Variants in WDPCP observed in about 807,000 individuals in gnomAD.
WDPCP encodes WD repeat containing planar cell polarity effector.
A neutral mutation model predicts 93.1 loss-of-function variants in WDPCP; 71 were observed. The ratio of observed to expected loss-of-function variants is 0.76; its 90% CI spans 0.63 to 0.93. WDPCP has a LOEUF of 0.93. WDPCP is among the 40% of genes least tolerant of loss of function. WDPCP has a pLI of 0.00. For synonymous variants in WDPCP, 315 were observed against 315.0 expected (o/e 1.00, Z 0.00); for missense variants, 844 against 887.4 (o/e 0.95, Z 0.62).
intron 14 of WDPCP, among the ~76,000 whole-genome samples, chr2:63,206,092 T>G (rs1203109033): frequency 1.3e-5 from 2 of 152,238 alleles, no homozygotes; most frequent in Non-Finnish European, 2.9e-5. Flanking sequence ...ATACGGCTTT[T>G]GTCTTTCATT....
chr2:63,446,594 C>G (rs539653853), intron 6 of WDPCP, among the ~76,000 whole-genome samples: 35 of 152,290 alleles, frequency 2.3e-4, no homozygotes, highest in African/African-American at 8.2e-4. Context: ...ATGTGATAAG[C>G]TATCCTCTCT....
intron 1 of WDPCP, among the ~76,000 whole-genome samples, chr2:63,512,297 T>C (rs1480504017): frequency 6.6e-6 from 1 of 152,104 alleles, no homozygotes; most frequent in Non-Finnish European, 1.5e-5. Flanking sequence ...TTGGTGGGAG[T>C]GTAAATTAGT....
intron 13 of WDPCP, among the ~76,000 whole-genome samples, chr2:63,282,039 C>G (rs1683596959): frequency 1.3e-5 from 2 of 151,768 alleles, no homozygotes; most frequent in African/African-American, 4.8e-5. Flanking sequence ...CAATCCTTAT[C>G]AAAATATCAA....
Position 63,722,362 on chromosome 2 carries a change from G to A in WDPCP, n.309-71524C>T, listed in dbSNP as rs1478849544. ...CGGCCGCCCATCGTCTGAGATGTGG[G>A]GAGCGCCTCTGCCCCGCCGCCCCGT... On this transcript the variant is annotated intron_variant and non_coding_transcript_variant, in intron 2 of 4. Coordinates refer to the WDPCP transcript ENST00000467687. Among the ~76,000 whole-genome samples the A allele has an allele frequency of 4.7e-5, 7 of 148,712 alleles. No homozygotes were observed. In the South Asian group the frequency reaches 1.5e-3, roughly 32 times the overall value.
At chr2:63,549,247 C>CAAAAAAAA (rs60864094) in intron 1 of WDPCP, among the ~76,000 whole-genome samples, 19 of 87,640 alleles carry the variant, frequency 2.2e-4, no homozygotes, top group Non-Finnish European at 3.7e-4. Flanking sequence ...GAGACTGTCT[C>CAAAAAAAA]AAAAAAAAAA....
At chr2:63,633,423 C>CA (rs1558871510) in intron 3 of WDPCP, among the ~76,000 whole-genome samples, 1 of 151,832 alleles carries the variant, frequency 6.6e-6, no homozygotes. Flanking sequence ...AATATAAAAA[C>CA]AAAAAATGTA....
At chr2:63,609,398 C>T (rs1385369682) in intron 3 of WDPCP, among the ~76,000 whole-genome samples, 1 of 151,850 alleles carries the variant, frequency 6.6e-6, no homozygotes, top group African/African-American at 2.4e-5. Context: ...TATATACACA[C>T]ACTAATAAAG....
chr2:63,620,000 C>A (rs745743973), intron 3 of WDPCP, among the ~76,000 whole-genome samples: 2 of 152,222 alleles, frequency 1.3e-5, no homozygotes, highest in Non-Finnish European at 2.9e-5. Context: ...CCAGATACTA[C>A]GCTTTTCCCA....
At chr2:63,760,018 C>A (rs1670032311) in intron 2 of WDPCP, among the ~76,000 whole-genome samples, 1 of 152,120 alleles carries the variant, frequency 6.6e-6, no homozygotes. Context: ...AGTCTCTGGG[C>A]TTCAGGGAAT....
intron 6 of WDPCP, among the ~76,000 whole-genome samples, chr2:63,462,296 A>G (rs933973767): frequency 6.6e-6 from 1 of 152,182 alleles, no homozygotes; most frequent in African/African-American, 2.4e-5. Flanking sequence ...TGGGAACTGA[A>G]CAATGAGAAT....
intron 2 of WDPCP, among the ~76,000 whole-genome samples, chr2:63,697,154 G>A (rs538551737): frequency 6.6e-6 from 1 of 150,732 alleles, no homozygotes; most frequent in African/African-American, 2.4e-5. Flanking sequence ...AGTAGTTATA[G>A]TAGTTGTAGT....
At chr2:63,174,937 TTTTC>T (rs1009013654) in intron 14 of WDPCP, 105 bp from the exon 15 acceptor site, 10 of 1,288,020 alleles carry the variant, frequency 7.8e-6, no homozygotes, top group South Asian at 3.7e-5. Flanking sequence ...AGTGGAACTT[TTTTC>T]TTTGTCAATT....
At chr2:63,712,923 G>A (rs1223483885) in intron 2 of WDPCP, among the ~76,000 whole-genome samples, 1 of 152,136 alleles carries the variant, frequency 6.6e-6, no homozygotes, top group Non-Finnish European at 1.5e-5. Context: ...CAGGGATCAG[G>A]GCTGAACTAT....
chr2:63,377,620 T>C (rs1691956905), intron 12 of WDPCP, among the ~76,000 whole-genome samples: 1 of 151,550 alleles, frequency 6.6e-6, no homozygotes, highest in Admixed American at 6.6e-5. Flanking sequence ...GAGGCTATTA[T>C]ATGCTTATTT....
intron 11 of WDPCP, among the ~76,000 whole-genome samples, chr2:63,379,283 AG>A (rs1692109936): frequency 6.6e-6 from 1 of 152,208 alleles, no homozygotes; most frequent in South Asian, 2.1e-4. Flanking sequence ...TACAGTTCAC[AG>A]TAAGACTTCT....
Position 63,431,090 on chromosome 2 carries a change from G to T in WDPCP, c.825+2655C>A, listed in dbSNP as rs75581363. ...TACTTAGAATCTACTGTTAAAACTC[G>T]CATTTGGTTCAGTATGTGGGCTTTA... On this transcript the variant is annotated intron_variant, in intron 9 of 17. Coordinates refer to ENST00000272321, the MANE Select transcript of WDPCP (RefSeq NM_015910.7). 4.0e-3 allele frequency among the ~76,000 whole-genome samples: 614 copies of T among 152,100 alleles called. 7 individuals are homozygous for T. The highest frequency in any genetic ancestry group is 0.014 in the African/African-American group (573 of 41,468).
intron 14 of WDPCP, among the ~76,000 whole-genome samples, chr2:63,257,253 A>G (rs1681227216): frequency 6.6e-6 from 1 of 152,126 alleles, no homozygotes; most frequent in African/African-American, 2.4e-5. Flanking sequence ...GCTTGCATCA[A>G]AGAACCACTT....
the WDPCP span, among the ~76,000 whole-genome samples, chr2:63,837,719 G>T: frequency 2.0e-5 from 3 of 152,150 alleles, no homozygotes; most frequent in Admixed American, 2.0e-4. Context: ...CTTATAATTT[G>T]GCCCAGGTTC....
chr2:63,345,926 G>A (rs1207661706), intron 12 of WDPCP, among the ~76,000 whole-genome samples: 1 of 152,126 alleles, frequency 6.6e-6, no homozygotes, highest in African/African-American at 2.4e-5. Flanking sequence ...CAATCCAGCT[G>A]GGGACATGAT....
Sources: gnomAD v4.1 joint callset for allele counts (sites outside exome capture counted in the v4.1 genomes callset) on GRCh38, gnomAD v4.1.1 for gene constraint, MANE v1.5 for transcripts, NCBI Gene and HGNC (gene_info 2026-07-23, HGNC 2026-07-21) for gene names.